ANKRD18B: variants seen among roughly 807,000 people sequenced by gnomAD.
ANKRD18B encodes ankyrin repeat domain 18B.
Under a neutral mutation model 111.8 loss-of-function variants are expected in ANKRD18B, and 75 were observed. The observed-to-expected ratio is 0.67, with a 90% CI of 0.56 to 0.81. The LOEUF (loss-of-function observed/expected upper bound fraction) is 0.81, where lower values mean the gene tolerates loss of function less well. Ranked by LOEUF, ANKRD18B falls within the 40% of genes least tolerant of loss-of-function variation. The probability of loss-of-function intolerance (pLI) is 0.00; values close to 1 mark genes in which losing one functional copy is unlikely to be tolerated. For synonymous variants in ANKRD18B, 356 were observed against 417.3 expected, an observed-to-expected ratio of 0.85 and a Z score of 1.79; for missense variants, 1,038 against 1,225.5, an observed-to-expected ratio of 0.85 and a Z score of 2.28.
chr9:33,568,558 G>A (rs1828720580), intron 16 of ANKRD18B, 113 bp from the exon 17 acceptor site: 1 of 911,222 alleles, frequency 1.1e-6, no homozygotes, highest in African/African-American at 1.7e-5. Context: ...TGAAAACACT[G>A]TTTAATGGGT....
At position 33,546,352 on chromosome 9, in the gene ANKRD18B, C is replaced by T. The variant is rs555127329; in HGVS notation, c.1150-1586C>T. ...TTAAATGTTTTTGGAAACAAATACA[C>T]ATACTTTCACATATTTAAGAAAATC... is the stretch of plus-strand genomic sequence containing the variant. On this transcript the variant is annotated intron_variant, in intron 10 of 18. Coordinates refer to ENST00000684830, the MANE Select transcript of ANKRD18B (RefSeq NM_001393611.1). Among the ~76,000 whole-genome samples the T allele has an allele frequency of 3.9e-4, 59 of 152,224 alleles. No individual in the cohort carries two copies. In the South Asian group the frequency reaches 0.011, roughly 28 times the overall value.
intron 1 of ANKRD18B, among the ~76,000 whole-genome samples, chr9:33,526,158 G>C (rs1828022122): frequency 6.6e-6 from 1 of 152,166 alleles, no homozygotes; most frequent in South Asian, 2.1e-4. Context: ...AGTTGCTGAT[G>C]ACTTTTCAAG....
Position 33,548,603 on chromosome 9 carries a change from A to G in ANKRD18B, c.1815A>G (p.Gln605=), listed in dbSNP as rs1379572462. ...MHPNGEAKES[Q]SIGKQNSSEE... is the part of the protein sequence containing the mutation. ...CAAATGGGGAAGCTAAAGAAAGTCA[A>G]TCCATTGGAAAGCAGAACTCTTCAG... Residue 605 remains glutamine (Q), a synonymous_variant, in exon 11 of 19, where the codon CAA becomes CAG. Coordinates refer to ENST00000684830, the MANE Select transcript of ANKRD18B (RefSeq NM_001393611.1). 1 of 1,551,412 alleles carries G rather than the reference A, an allele frequency of 6.4e-7. No individual in the cohort carries two copies. The highest frequency in any genetic ancestry group is 8.7e-7 in the Non-Finnish European group (1 of 1,146,696).
chr9:33,567,150 T>C lies in ANKRD18B; in HGVS notation c.2790T>C (p.Asn930=). The C allele has an allele frequency of 6.5e-7, 1 of 1,547,252 alleles. No homozygotes were observed. The highest frequency in any genetic ancestry group is 8.7e-7 in the Non-Finnish European group (1 of 1,145,760). Residue 930 remains asparagine (N), a synonymous_variant, in exon 16 of 19, where the codon AAT becomes AAC. Coordinates refer to ENST00000684830, the MANE Select transcript of ANKRD18B (RefSeq NM_001393611.1). ...AATTAGAGCAGTTAAACAAGGATAA[T>C]ACGGCTTCACTAAAAAAGAAGGAAC... ...EKQLEQLNKD[N]TASLKKKELT...
intron 17 of ANKRD18B, among the ~76,000 whole-genome samples, chr9:33,570,097 T>C (rs890903533): frequency 1.3e-5 from 2 of 152,184 alleles, no homozygotes; most frequent in African/African-American, 2.4e-5. Context: ...GAAAATTCCA[T>C]ATATACCAAA....
chr9:33,528,550 G>A, intron 1 of ANKRD18B, 177 bp from the exon 2 acceptor site: 1 of 515,338 alleles, frequency 1.9e-6, no homozygotes, highest in Non-Finnish European at 3.4e-6. Flanking sequence ...CAAATAGGCT[G>A]CTGTTTCATT....
At chr9:33,563,918 A>G (rs1345360458) in intron 14 of ANKRD18B, among the ~76,000 whole-genome samples, 3 of 151,814 alleles carry the variant, frequency 2.0e-5, no homozygotes, top group East Asian at 3.9e-4. Context: ...CATTAACCAG[A>G]CTCCCCTCTC....
At chr9:33,551,783 T>C (rs1051679069) in intron 12 of ANKRD18B, among the ~76,000 whole-genome samples, 10 of 152,328 alleles carry the variant, frequency 6.6e-5, no homozygotes, top group East Asian at 3.9e-4. Context: ...TCAGAGTTAA[T>C]TGGGCAGATG....
intron 1 of ANKRD18B, among the ~76,000 whole-genome samples, chr9:33,527,147 G>T (rs1222190103): frequency 6.6e-6 from 1 of 152,124 alleles, no homozygotes; most frequent in Non-Finnish European, 1.5e-5. Flanking sequence ...AACAATAAGA[G>T]ATAACCTTTA....
chr9:33,553,262 G>A (rs952893296), intron 12 of ANKRD18B, among the ~76,000 whole-genome samples: 5 of 152,034 alleles, frequency 3.3e-5, no homozygotes, highest in African/African-American at 1.2e-4. Flanking sequence ...CAGCTACGTT[G>A]GAGGCTGTGG....
At position 33,558,201 on chromosome 9, in the gene ANKRD18B, T is replaced by A. The variant is rs1382812159; in HGVS notation, c.2460+14T>A. 1.9e-6 allele frequency: 3 copies of A among 1,594,590 alleles called. No homozygotes were observed. The highest frequency in any genetic ancestry group is 2.6e-6 in the Non-Finnish European group (3 of 1,171,156). On this transcript the variant is annotated intron_variant, in intron 14 of 18. Coordinates refer to ENST00000684830, the MANE Select transcript of ANKRD18B (RefSeq NM_001393611.1). The stretch of plus-strand genomic sequence containing the variant: ...CTAAAACAGAAGGTAATTTAAAAAA[T>A]TATTATTTTATCTTAAGGTCTAGAT...
chr9:33,525,133 A>C (rs1320250601), intron 1 of ANKRD18B, among the ~76,000 whole-genome samples: 1 of 152,194 alleles, frequency 6.6e-6, no homozygotes, highest in Non-Finnish European at 1.5e-5. Context: ...GTTTTCTCAA[A>C]ATGTGAGCTC....
chr9:33,546,534 T>C (rs563749157), intron 10 of ANKRD18B, among the ~76,000 whole-genome samples: 54 of 152,256 alleles, frequency 3.5e-4, no homozygotes, highest in African/African-American at 1.3e-3. Flanking sequence ...GTCCTGTACA[T>C]TATGTTCTAA....
At chr9:33,568,024 G>T (rs571389) in intron 16 of ANKRD18B, among the ~76,000 whole-genome samples, 5,620 of 152,166 alleles carry the variant, frequency 0.037, 273 homozygotes, top group African/African-American at 0.12. Flanking sequence ...CAGAGATGCT[G>T]TAGTTCTTTT....
At chr9:33,561,764 G>T (rs1031211426) in intron 14 of ANKRD18B, among the ~76,000 whole-genome samples, 1 of 152,124 alleles carries the variant, frequency 6.6e-6, no homozygotes, top group Admixed American at 6.5e-5. Flanking sequence ...TTATTGAAAA[G>T]ACTATTCTTT....
intron 6 of ANKRD18B, among the ~76,000 whole-genome samples, chr9:33,538,898 C>T (rs552103941): frequency 3.9e-5 from 6 of 152,122 alleles, no homozygotes; most frequent in Non-Finnish European, 5.9e-5. Context: ...ATAAAGACAC[C>T]GTTAATTTAG....
intron 8 of ANKRD18B, 151 bp from the exon 9 acceptor site, chr9:33,540,996 C>T: frequency 2.3e-6 from 2 of 877,134 alleles, no homozygotes; most frequent in Non-Finnish European, 3.5e-6. Flanking sequence ...CATTAGATGC[C>T]ATTCACTTTT....
rs149856382 is a variant in ANKRD18B at position 33,530,243 on chromosome 9, A to G, written c.495+1070A>G. Among the ~76,000 whole-genome samples, 495 of 152,342 alleles carry G rather than the reference A, an allele frequency of 3.2e-3. 2 individuals are homozygous for G. Among genetic ancestry groups the G allele is most frequent in the Middle Eastern group, 0.02 (6 of 294 alleles). On this transcript the variant is annotated intron_variant, in intron 3 of 18. Transcript: ENST00000684830. ...TGGGGAAATTTTGTTAAAAGTCTAC[A>G]AGTGTAGGCTTTCCCCTGAGGATTT...
rs1279554821 is a variant in ANKRD18B at position 33,524,465 on chromosome 9, G to A, written c.-25G>A. On this transcript the variant is annotated 5_prime_UTR_variant, in exon 1 of 19. Transcript: ENST00000684830. ...GAGCCGCGGCGTCTCAGGAGCGGGT[G>A]GTGGGCATCTGAGAAGTCGCCACCA... is the stretch of plus-strand genomic sequence containing the variant. 6.5e-7 allele frequency: 1 copy of A among 1,529,546 alleles called. No individual in the cohort carries two copies. Among genetic ancestry groups the A allele is most frequent in the Non-Finnish European group, 8.8e-7 (1 of 1,136,368 alleles). 94.7% of individuals were successfully genotyped at this position (1,529,546 alleles called of 1,614,324 possible).
Sources: gnomAD v4.1 joint callset for allele counts (sites outside exome capture counted in the v4.1 genomes callset) on GRCh38, gnomAD v4.1.1 for gene constraint, MANE v1.5 for transcripts, NCBI Gene and HGNC (gene_info 2026-07-23, HGNC 2026-07-21) for gene names.